Variants in GABRB2 observed in about 807,000 individuals in gnomAD.
The protein encoded by GABRB2 is gamma-aminobutyric acid type A receptor subunit beta2.
A neutral mutation model predicts 54.7 loss-of-function variants in GABRB2; 16 were observed. The observed-to-expected ratio is 0.29, with a 90% confidence interval of 0.20 to 0.44. The LOEUF is 0.44. GABRB2 is among the 20% of genes least tolerant of loss of function. The pLI is 1.00. For synonymous variants in GABRB2, 244 were observed against 233.8 expected (o/e 1.04, Z -0.40); for missense variants, 355 against 644.0 (o/e 0.55, Z 4.86).
chr5:161,313,355 C>T (rs943472700), intron 9 of GABRB2, among the ~76,000 whole-genome samples: 1 of 152,002 alleles, frequency 6.6e-6, no homozygotes, highest in Admixed American at 6.6e-5. Flanking sequence ...CTGAGCAGCT[C>T]TTTGCGCCCC....
intron 3 of GABRB2, among the ~76,000 whole-genome samples, chr5:161,489,426 T>C (rs898338812): frequency 6.6e-6 from 1 of 151,720 alleles, no homozygotes; most frequent in Non-Finnish European, 1.5e-5. Context: ...TGTTATCAGA[T>C]AGACATTACC....
intron 9 of GABRB2, among the ~76,000 whole-genome samples, chr5:161,308,302 C>T (rs540059459): frequency 1.2e-4 from 19 of 152,178 alleles, no homozygotes; most frequent in Non-Finnish European, 2.6e-4. Context: ...GGTACCTCCC[C>T]TCCCTTGCCA....
chr5:161,349,413 G>A lies in GABRB2; in HGVS notation c.542-12644C>T, dbSNP rs565485448. On this transcript the variant is annotated intron_variant, in intron 5 of 9. Coordinates refer to ENST00000393959, the MANE Select transcript of GABRB2 (RefSeq NM_001371727.1). The stretch of plus-strand genomic sequence containing the variant: ...AAGTATTTATAGTTCTTGTATTCAA[G>A]TTGAATATGGAATTAGTATGCTGTG... 5.9e-5 allele frequency among the ~76,000 whole-genome samples: 9 copies of A among 152,220 alleles called. No homozygotes were observed. In the South Asian group the frequency reaches 1.7e-3, roughly 28 times the overall value.
intron 5 of GABRB2, among the ~76,000 whole-genome samples, chr5:161,365,778 C>G (rs1329895375): frequency 6.6e-6 from 1 of 152,138 alleles, no homozygotes; most frequent in African/African-American, 2.4e-5. Context: ...TGGAGCTTCT[C>G]TAGCTGACTG....
intron 5 of GABRB2, among the ~76,000 whole-genome samples, chr5:161,399,242 A>G (rs1756103380): frequency 1.3e-5 from 2 of 152,166 alleles, no homozygotes; most frequent in Admixed American, 1.3e-4. Flanking sequence ...GATTGAAGAC[A>G]TAGGTTCTAA....
At chr5:161,303,307 T>C (rs1757590097) in intron 9 of GABRB2, among the ~76,000 whole-genome samples, 1 of 152,262 alleles carries the variant, frequency 6.6e-6, no homozygotes, top group Non-Finnish European at 1.5e-5. Context: ...CTCTAAGATA[T>C]GATGCTATCT....
At chr5:161,447,460 G>A (rs886991081) in intron 4 of GABRB2, among the ~76,000 whole-genome samples, 1 of 152,148 alleles carries the variant, frequency 6.6e-6, no homozygotes, top group Admixed American at 6.6e-5. Flanking sequence ...ATTATGGCTA[G>A]TGGGAACAAT....
At chr5:161,420,821 A>T (rs916199276) in intron 4 of GABRB2, among the ~76,000 whole-genome samples, 1 of 152,208 alleles carries the variant, frequency 6.6e-6, no homozygotes, top group Non-Finnish European at 1.5e-5. Context: ...AATACATTGC[A>T]GAAGTGTACT....
At chr5:161,468,319 T>G (rs1033744359) in intron 3 of GABRB2, among the ~76,000 whole-genome samples, 1 of 152,058 alleles carries the variant, frequency 6.6e-6, no homozygotes, top group Non-Finnish European at 1.5e-5. Context: ...TCACTACCTA[T>G]TCCCTCTTCC....
chr5:161,317,979 A>G (rs1758092354), intron 9 of GABRB2, among the ~76,000 whole-genome samples: 1 of 152,082 alleles, frequency 6.6e-6, no homozygotes, highest in African/African-American at 2.4e-5. Context: ...AAAGTGAGAA[A>G]GAAGTTCTTA....
At chr5:161,388,824 T>C (rs1755728972) in intron 5 of GABRB2, among the ~76,000 whole-genome samples, 1 of 151,926 alleles carries the variant, frequency 6.6e-6, no homozygotes. Flanking sequence ...GCTTAATTAC[T>C]CTATTTCAGA....
intron 4 of GABRB2, among the ~76,000 whole-genome samples, chr5:161,443,438 G>C (rs906736281): frequency 6.6e-6 from 1 of 152,094 alleles, no homozygotes; most frequent in Non-Finnish European, 1.5e-5. Context: ...AGTGGCCTAG[G>C]GATATAGCCT....
intron 3 of GABRB2, among the ~76,000 whole-genome samples, chr5:161,537,664 T>G (rs944568106): frequency 1.3e-5 from 2 of 152,214 alleles, no homozygotes; most frequent in African/African-American, 4.8e-5. Context: ...TAAATTTTGC[T>G]CCACTTCAAT....
intron 4 of GABRB2, among the ~76,000 whole-genome samples, chr5:161,444,006 A>T (rs1018884979): frequency 6.6e-6 from 1 of 152,186 alleles, no homozygotes; most frequent in African/African-American, 2.4e-5. Context: ...CTGGTATATG[A>T]CTAATCCTCA....
At chr5:161,534,969 A>C (rs1192395688) in intron 3 of GABRB2, among the ~76,000 whole-genome samples, 1 of 152,238 alleles carries the variant, frequency 6.6e-6, no homozygotes, top group East Asian at 1.9e-4. Flanking sequence ...TAGTGCCCAC[A>C]CATATCCTAA....
At chr5:161,472,785 C>A (rs1392877286) in intron 3 of GABRB2, among the ~76,000 whole-genome samples, 1 of 151,778 alleles carries the variant, frequency 6.6e-6, no homozygotes, top group African/African-American at 2.4e-5. Context: ...GAAATATGTC[C>A]AACAAACTAA....
chr5:161,420,301 C>A (rs1756811362), intron 4 of GABRB2, among the ~76,000 whole-genome samples: 1 of 152,148 alleles, frequency 6.6e-6, no homozygotes, highest in African/African-American at 2.4e-5. Flanking sequence ...ACAGCCTCAG[C>A]TGGGTCTCTT....
At chr5:161,421,769 GT>G in intron 4 of GABRB2, among the ~76,000 whole-genome samples, 1 of 152,306 alleles carries the variant, frequency 6.6e-6, no homozygotes, top group Non-Finnish European at 1.5e-5. Flanking sequence ...AAACGAGTCA[GT>G]GACCAATGGT....
intron 5 of GABRB2, among the ~76,000 whole-genome samples, chr5:161,383,920 T>C (rs1755546476): frequency 6.6e-6 from 1 of 152,216 alleles, no homozygotes; most frequent in Non-Finnish European, 1.5e-5. Context: ...TATATACACA[T>C]ATATACGCGC....
Sources: gnomAD v4.1 joint callset for allele counts (sites outside exome capture counted in the v4.1 genomes callset) on GRCh38, gnomAD v4.1.1 for gene constraint, MANE v1.5 for transcripts, NCBI Gene and HGNC (gene_info 2026-07-23, HGNC 2026-07-21) for gene names.